The following HSD17B3 variants were observed in gnomAD, a reference collection of about 807,000 sequenced individuals.
HSD17B3 encodes 17-beta-hydroxysteroid dehydrogenase type 3.
A neutral mutation model predicts 41.1 loss-of-function variants in HSD17B3; 29 were observed. That is an observed-to-expected ratio of 0.71 (90% CI 0.53 to 0.96). The LOEUF is 0.96. Ranked by LOEUF, HSD17B3 falls within the 40% of genes least tolerant of loss-of-function variation. HSD17B3 has a pLI of 0.00. For missense variants in HSD17B3, 323 were observed against 374.6 expected, an observed-to-expected ratio of 0.86 and a Z score of 1.14; for synonymous variants, 126 against 145.6, an observed-to-expected ratio of 0.87 and a Z score of 0.97.
intron 2 of HSD17B3, among the ~76,000 whole-genome samples, chr9:96,261,344 T>C (rs1031619847): frequency 6.6e-6 from 1 of 152,194 alleles, no homozygotes; most frequent in Non-Finnish European, 1.5e-5. Context: ...CATGGGCATG[T>C]GCCACCATGC....
intron 7 of HSD17B3, among the ~76,000 whole-genome samples, chr9:96,245,693 G>A (rs1272300269): frequency 1.3e-5 from 2 of 152,136 alleles, no homozygotes; most frequent in Non-Finnish European, 2.9e-5. Context: ...GCTTGCTCTT[G>A]GAAACAGGCT....
At chr9:96,263,601 C>T (rs576110258) in intron 2 of HSD17B3, among the ~76,000 whole-genome samples, 3 of 151,042 alleles carry the variant, frequency 2.0e-5, no homozygotes, top group South Asian at 2.1e-4. Flanking sequence ...TGGTGGCGGG[C>T]GCCTGTAGTC....
intron 2 of HSD17B3, among the ~76,000 whole-genome samples, chr9:96,255,915 G>C (rs1825635223): frequency 6.6e-6 from 1 of 152,230 alleles, no homozygotes; most frequent in South Asian, 2.1e-4. Context: ...GGAGCTGCGT[G>C]CTTCACACAG....
At chr9:96,274,394 G>T (rs1447150777) in intron 2 of HSD17B3, among the ~76,000 whole-genome samples, 1 of 152,200 alleles carries the variant, frequency 6.6e-6, no homozygotes, top group Non-Finnish European at 1.5e-5. Context: ...CCGGGAGGCA[G>T]AGGCTGCAGT....
At chr9:96,241,993 G>GAAAGAAAGAAAGAAAT (rs1836469189) in intron 9 of HSD17B3, among the ~76,000 whole-genome samples, 1 of 120,728 alleles carries the variant, frequency 8.3e-6, no homozygotes, top group African/African-American at 3.3e-5. Context: ...AAGAAAGAAA[G>GAAAGAAAGAAAGAAAT]AAAGAAAGAA....
At chr9:96,257,653 A>G (rs1267486228) in intron 2 of HSD17B3, among the ~76,000 whole-genome samples, 1 of 152,154 alleles carries the variant, frequency 6.6e-6, no homozygotes, top group South Asian at 2.1e-4. Flanking sequence ...CTATTGCTCC[A>G]TGGTATTCTA....
intron 2 of HSD17B3, among the ~76,000 whole-genome samples, chr9:96,294,583 A>G (rs1564064606): frequency 6.6e-6 from 1 of 152,268 alleles, no homozygotes; most frequent in Non-Finnish European, 1.5e-5. Flanking sequence ...ACTTGAGAAA[A>G]GATTCTGGAG....
chr9:96,240,684 C>T, intron 10 of HSD17B3, 74 bp downstream of exon 10: 2 of 1,462,768 alleles, frequency 1.4e-6, no homozygotes, highest in Middle Eastern at 1.7e-4. Context: ...CAAGGAAGAG[C>T]TAGCCCAGCC....
intron 2 of HSD17B3, among the ~76,000 whole-genome samples, chr9:96,287,591 T>G (rs1470935995): frequency 1.3e-5 from 2 of 152,068 alleles, no homozygotes; most frequent in African/African-American, 4.8e-5. Context: ...ACGCCTGTAG[T>G]CCCAGCTACC....
Position 96,253,653 on chromosome 9 carries a change from G to A in HSD17B3, c.278-743C>T, listed in dbSNP as rs8190537. On this transcript the variant is annotated intron_variant, in intron 3 of 10. Transcript: ENST00000375263. ...AACTTGCCTTCTGCGGGAGTTTTCC[G>A]TCAGATGTGAAAGCTACAGAGTTTA... Among the ~76,000 whole-genome samples, 434 of 152,234 alleles carry A rather than the reference G, an allele frequency of 2.9e-3. 12 individuals carry two copies. The East Asian group carries it at 0.046, about 16-fold the overall frequency.
Position 96,290,303 on chromosome 9 carries a change from G to A in HSD17B3, c.201+8113C>T, listed in dbSNP as rs117426740. ...GTGAAGAATAAGCTTCTGGAAGGGC[G>A]GAGGAGAAGTGCTTTCCCTATTCCC... On this transcript the variant is annotated intron_variant, in intron 2 of 10. Coordinates refer to ENST00000375263, the MANE Select transcript of HSD17B3 (RefSeq NM_000197.2). Among the ~76,000 whole-genome samples, 1,377 of 151,898 alleles carry A rather than the reference G, an allele frequency of 9.1e-3. 27 individuals are homozygous for A. Among genetic ancestry groups the A allele is most frequent in the South Asian group, 0.065 (313 of 4,806 alleles).
At position 96,254,900 on chromosome 9, in the gene HSD17B3, A is replaced by C. The variant is rs1408993881; in HGVS notation, c.245T>G (p.Leu82Arg). 1 of 1,613,958 alleles carries C rather than the reference A, an allele frequency of 6.2e-7. No individual in the cohort carries two copies. Among genetic ancestry groups the C allele is most frequent in the Non-Finnish European group, 8.5e-7 (1 of 1,180,000 alleles). ...TGTGGCAATGGCCTCTAGTTTTTCC[A>C]GCGTCCGGCTAATAAGGACAACATT... ...GLNVVLISRTLEKLEAIATEI... is the reference protein window; with the variant it reads ...GLNVVLISRTREKLEAIATEI... The change falls in exon 3 of 11, where the codon CTG (leucine) becomes CGG (arginine). Residue 82 changes from leucine to arginine, a missense_variant. Coordinates refer to ENST00000375263, the MANE Select transcript of HSD17B3 (RefSeq NM_000197.2).
At chr9:96,281,697 C>T (rs1376049669) in intron 2 of HSD17B3, among the ~76,000 whole-genome samples, 1 of 152,140 alleles carries the variant, frequency 6.6e-6, no homozygotes, top group African/African-American at 2.4e-5. Flanking sequence ...CATTGTGGTA[C>T]ACGGGGAACT....
chr9:96,252,664 T>C (rs1395662593), intron 4 of HSD17B3, 139 bp downstream of exon 4: 1 of 693,672 alleles, frequency 1.4e-6, no homozygotes, highest in Admixed American at 2.1e-5. Context: ...TGTGCTTTGA[T>C]ATTCAACTTA....
At position 96,235,447 on chromosome 9, in the gene HSD17B3, C is replaced by T. The variant is rs1417057846; in HGVS notation, c.*13G>A. 2 of 1,591,520 alleles carry T rather than the reference C, an allele frequency of 1.3e-6. No homozygotes were observed. The highest frequency in any genetic ancestry group is 1.7e-5 in the Admixed American group (1 of 59,588). Reference sequence around the variant, plus strand: ...GGTGAGGAAAAGGTTGTGCTGGACTCCTCACCGCCTGGCTACCTGACCTTG... The same window carrying T: ...GGTGAGGAAAAGGTTGTGCTGGACTTCTCACCGCCTGGCTACCTGACCTTG... On this transcript the variant is annotated 3_prime_UTR_variant, in exon 11 of 11. Coordinates refer to ENST00000375263, the MANE Select transcript of HSD17B3 (RefSeq NM_000197.2).
intron 2 of HSD17B3, among the ~76,000 whole-genome samples, chr9:96,276,129 A>AAC (rs1554700168): frequency 2.1e-3 from 291 of 138,516 alleles, no homozygotes; most frequent in Non-Finnish European, 2.9e-3. Context: ...AAAAAAAAAA[A>AAC]AAACAGAAGA....
chr9:96,237,941 G>A (rs1836292614), intron 10 of HSD17B3, among the ~76,000 whole-genome samples: 1 of 151,930 alleles, frequency 6.6e-6, no homozygotes, highest in South Asian at 2.1e-4. Context: ...ACCAGTCTGG[G>A]CAACAAAGTG....
Position 96,302,137 on chromosome 9 carries a change from C to A in HSD17B3, c.-33G>T, listed in dbSNP as rs779510189. ...CTCAACAGACTGTTTCAGCCCTGGC[C>A]GTGGCTCTCTGTGTATGCCTCCTGG... On this transcript the variant is annotated 5_prime_UTR_variant, in exon 1 of 11. Transcript: ENST00000375263. 2 of 1,610,442 alleles carry A rather than the reference C, an allele frequency of 1.2e-6. No individual in the cohort carries two copies. The highest frequency in any genetic ancestry group is 3.4e-5 in the Admixed American group (2 of 59,640).
At chr9:96,245,257 A>G in intron 8 of HSD17B3, 88 bp downstream of exon 8, 1 of 1,024,236 alleles carries the variant, frequency 9.8e-7, no homozygotes, top group Non-Finnish European at 1.6e-6. Flanking sequence ...AAACCTTTCC[A>G]TCAACTTGCC....
Sources: gnomAD v4.1 joint callset for allele counts (sites outside exome capture counted in the v4.1 genomes callset) on GRCh38, gnomAD v4.1.1 for gene constraint, MANE v1.5 for transcripts, NCBI Gene and HGNC (gene_info 2026-07-23, HGNC 2026-07-21) for gene names.